Variants in CACNA1A observed in about 807,000 individuals in gnomAD.
CACNA1A encodes calcium voltage-gated channel subunit alpha1 A.
In CACNA1A, 57 loss-of-function variants were observed where a neutral mutation model predicts 262.4. The observed-to-expected ratio is 0.22, with a 90% CI of 0.18 to 0.27. The LOEUF is 0.27. CACNA1A is among the 10% of genes least tolerant of loss of function. CACNA1A has a pLI of 1.00. For synonymous variants in CACNA1A, 1,431 were observed against 1,419.3 expected (o/e 1.01, Z -0.18); for missense variants, 2,526 against 3,562.8 (o/e 0.71, Z 7.41).
At chr19:13,465,105 T>G (rs2061210209) in intron 1 of CACNA1A, among the ~76,000 whole-genome samples, 3 of 151,414 alleles carry the variant, frequency 2.0e-5, no homozygotes, top group Admixed American at 6.6e-5. Flanking sequence ...ATTTTTTGTA[T>G]TTTTTAGTAG....
chr19:13,304,779 G>GAAGT (rs1365215584), intron 15 of CACNA1A, among the ~76,000 whole-genome samples: 5 of 151,954 alleles, frequency 3.3e-5, no homozygotes, highest in Non-Finnish European at 7.4e-5. Context: ...CCCTCACCAG[G>GAAGT]AACTAACTAA....
intron 3 of CACNA1A, 156 bp downstream of exon 3, chr19:13,452,720 G>A: frequency 3.1e-6 from 2 of 651,262 alleles, no homozygotes; most frequent in Non-Finnish European, 5.5e-6. Flanking sequence ...GCTGAGACAT[G>A]GAGGTGGGGT....
At chr19:13,464,184 T>C (rs2144992929) in intron 1 of CACNA1A, among the ~76,000 whole-genome samples, 1 of 152,262 alleles carries the variant, frequency 6.6e-6, no homozygotes, top group Non-Finnish European at 1.5e-5. Context: ...GGCCAGGAGT[T>C]TGAGGACAGC....
intron 40 of CACNA1A, among the ~76,000 whole-genome samples, chr19:13,213,260 T>C (rs889519743): frequency 4.6e-5 from 7 of 152,190 alleles, no homozygotes; most frequent in African/African-American, 1.4e-4. Flanking sequence ...GCCTTTGCAC[T>C]GGCTGTTTCC....
At chr19:13,419,326 G>A (rs2060277697) in intron 3 of CACNA1A, among the ~76,000 whole-genome samples, 1 of 152,214 alleles carries the variant, frequency 6.6e-6, no homozygotes, top group Admixed American at 6.5e-5. Flanking sequence ...TTTGTGTTAA[G>A]TTCTCTACAT....
intron 3 of CACNA1A, among the ~76,000 whole-genome samples, chr19:13,377,594 C>T (rs1386986950): frequency 1.3e-5 from 2 of 151,526 alleles, no homozygotes; most frequent in African/African-American, 4.8e-5. Flanking sequence ...AACTCCTGAC[C>T]TCAAGTTACC....
chr19:13,380,749 GTTTA>G (rs758031682), intron 3 of CACNA1A, among the ~76,000 whole-genome samples: 9,259 of 80,700 alleles, frequency 0.11, 349 homozygotes, highest in African/African-American at 0.21. Flanking sequence ...TTGTTTGTTT[GTTTA>G]TTTATTTATT....
At chr19:13,487,474 G>A (rs1015481185) in intron 1 of CACNA1A, among the ~76,000 whole-genome samples, 4 of 152,006 alleles carry the variant, frequency 2.6e-5, no homozygotes, top group Non-Finnish European at 5.9e-5. Context: ...AAGATTAGTA[G>A]TTGCCAGGGG....
chr19:13,338,063 C>CA (rs1282780461), intron 6 of CACNA1A, among the ~76,000 whole-genome samples: 2 of 151,766 alleles, frequency 1.3e-5, no homozygotes, highest in Admixed American at 6.6e-5. Context: ...ACTAAAAATA[C>CA]AAAAAAAATT....
intron 1 of CACNA1A, among the ~76,000 whole-genome samples, chr19:13,468,889 A>C (rs2061300551): frequency 3.3e-5 from 5 of 152,196 alleles, no homozygotes; most frequent in Admixed American, 3.3e-4. Context: ...ATTAGTTCCT[A>C]AGAACAAAAG....
At chr19:13,393,795 T>TTCCC (rs752179743) in intron 3 of CACNA1A, among the ~76,000 whole-genome samples, 8,315 of 77,782 alleles carry the variant, frequency 0.11, 684 homozygotes, top group East Asian at 0.17. Flanking sequence ...CCTTCCTTCC[T>TTCCC]TCCCTCCCTC....
At chr19:13,337,729 T>C (rs542740056) in intron 6 of CACNA1A, among the ~76,000 whole-genome samples, 2 of 152,272 alleles carry the variant, frequency 1.3e-5, no homozygotes, top group African/African-American at 4.8e-5. Context: ...ACAATGGGCA[T>C]ACATTCTGAA....
chr19:13,331,101 G>A (rs1383803261), intron 9 of CACNA1A, among the ~76,000 whole-genome samples: 1 of 152,002 alleles, frequency 6.6e-6, no homozygotes, highest in East Asian at 1.9e-4. Context: ...AACTCATTTA[G>A]GGGAGTTAGG....
chr19:13,211,999 G>C, intron 43 of CACNA1A, 104 bp downstream of exon 43: 1 of 703,160 alleles, frequency 1.4e-6, no homozygotes, highest in Non-Finnish European at 2.3e-6. Flanking sequence ...ACCCAGGCCT[G>C]AGTCCGGCAG....
At chr19:13,213,480 T>G (rs2054891502) in intron 40 of CACNA1A, among the ~76,000 whole-genome samples, 1 of 152,174 alleles carries the variant, frequency 6.6e-6, no homozygotes, top group Admixed American at 6.6e-5. Flanking sequence ...GTTGCACGAT[T>G]CAGTCATTTG....
chr19:13,227,184 A>C, intron 37 of CACNA1A: 16 of 250,800 alleles, frequency 6.4e-5, no homozygotes, highest in East Asian at 6.9e-5. Flanking sequence ...CATGTCGGCC[A>C]TAATGGAGTC....
intron 6 of CACNA1A, among the ~76,000 whole-genome samples, chr19:13,351,636 C>T (rs943548459): frequency 2.6e-5 from 4 of 152,144 alleles, no homozygotes; most frequent in African/African-American, 9.7e-5. Context: ...CAGCCTCCTG[C>T]GTAGCTGGGA....
At position 13,257,570 on chromosome 19, in the gene CACNA1A, G is replaced by C. The variant is rs770607342; in HGVS notation, c.4389-19C>G. ...GAGGACCCTGCAAGGAATGGGGCAGGGAGAGGGAAGGGGCAGGAAGGAGAG... is the reference window on the plus strand; with the variant it reads ...GAGGACCCTGCAAGGAATGGGGCAGCGAGAGGGAAGGGGCAGGAAGGAGAG... On this transcript the variant is annotated intron_variant, in intron 27 of 46. Coordinates refer to ENST00000360228, the MANE Select transcript of CACNA1A (RefSeq NM_001127222.2). 1 of 1,541,168 alleles carries C rather than the reference G, an allele frequency of 6.5e-7. No homozygotes were observed. Among genetic ancestry groups the C allele is most frequent in the South Asian group, 1.2e-5 (1 of 84,372 alleles).
intron 1 of CACNA1A, among the ~76,000 whole-genome samples, chr19:13,472,116 T>C (rs918728520): frequency 2.0e-5 from 3 of 151,784 alleles, no homozygotes; most frequent in Admixed American, 2.0e-4. Context: ...GTGCACACTA[T>C]CACACCCAGC....
Sources: allele counts gnomAD v4.1 joint callset (sites outside exome capture counted in the v4.1 genomes callset), GRCh38; gene constraint gnomAD v4.1.1; transcripts MANE v1.5; gene names NCBI Gene and HGNC (gene_info 2026-07-23, HGNC 2026-07-21).